ADGRA2: variants seen among roughly 807,000 people sequenced by gnomAD.
The protein encoded by ADGRA2 is adhesion G protein-coupled receptor A2, also known as G-protein coupled receptor 124.
Under a neutral mutation model 98.7 loss-of-function variants are expected in ADGRA2, and 61 were observed. The observed-to-expected ratio is 0.62, with a 90% CI of 0.50 to 0.76. The LOEUF is 0.76. Ranked by LOEUF, ADGRA2 falls within the 30% of genes least tolerant of loss-of-function variation. The pLI is 0.00. For missense variants in ADGRA2, 1,712 were observed against 1,860.0 expected (o/e 0.92, Z 1.46); for synonymous variants, 858 against 831.5 (o/e 1.03, Z -0.55).
chr8:37,816,067 T>G (rs1585977161), intron 2 of ADGRA2, among the ~76,000 whole-genome samples: 1 of 152,224 alleles, frequency 6.6e-6, no homozygotes, highest in Non-Finnish European at 1.5e-5. Context: ...GTGACTCTCC[T>G]GCTCAAAAAC....
At chr8:37,837,445 T>G (rs1805651675) in intron 13 of ADGRA2, among the ~76,000 whole-genome samples, 1 of 144,540 alleles carries the variant, frequency 6.9e-6, no homozygotes, top group African/African-American at 2.6e-5. Context: ...CCCGCCAGCC[T>G]GAGTCCTCAC....
At chr8:37,807,244 T>G (rs1201023660) in intron 1 of ADGRA2, among the ~76,000 whole-genome samples, 1 of 152,152 alleles carries the variant, frequency 6.6e-6, no homozygotes, top group Non-Finnish European at 1.5e-5. Flanking sequence ...CACCAACATT[T>G]ATGTCCCTTG....
At chr8:37,811,119 C>CAAAAAAAAAAAAA (rs1158782949) in intron 1 of ADGRA2, among the ~76,000 whole-genome samples, 1 of 68,626 alleles carries the variant, frequency 1.5e-5, no homozygotes, top group Non-Finnish European at 2.6e-5. Flanking sequence ...GTCTCAAAAA[C>CAAAAAAAAAAAAA]AAAAAAAAAA....
chr8:37,838,804 G>A, intron 14 of ADGRA2, 152 bp from the exon 15 acceptor site: 1 of 835,606 alleles, frequency 1.2e-6, no homozygotes, highest in Non-Finnish European at 1.8e-6. Flanking sequence ...GGCTTCCTAA[G>A]AGTGGACAGC....
intron 16 of ADGRA2, 27 bp downstream of exon 16, chr8:37,839,649 T>C: frequency 6.2e-7 from 1 of 1,611,120 alleles, no homozygotes; most frequent in Non-Finnish European, 8.5e-7. Context: ...GCTCTGGGGG[T>C]GGTGCTCCGA....
In ADGRA2 at chr8:37,835,336, C is replaced by T. The variant is rs1192172828; in HGVS notation, c.1771C>T (p.Gln591Ter). 1 of 1,613,348 alleles carries T rather than the reference C, an allele frequency of 6.2e-7. No individual in the cohort carries two copies. The highest frequency in any genetic ancestry group is 1.3e-5 in the African/African-American group (1 of 74,924). The change falls in exon 12 of 19, where the codon CAG becomes TAG. Residue 591 changes from glutamine to a stop codon, truncating the protein, a stop_gained. Transcript: ENST00000412232. LOFTEE classifies it high-confidence loss of function. ...PPEPEPPADQ[Q>*]LRFRCTTGRP... ...TGAGCCCGAGCCCCCAGCTGACCAGCAGCTCCGCTTCCGCTGCACCACCGG... is the reference window on the plus strand; with the variant it reads ...TGAGCCCGAGCCCCCAGCTGACCAGTAGCTCCGCTTCCGCTGCACCACCGG...
At chr8:37,816,478 AGCTACTCGGGGGCT>A (rs1804984230) in intron 2 of ADGRA2, among the ~76,000 whole-genome samples, 1 of 150,974 alleles carries the variant, frequency 6.6e-6, no homozygotes, top group Non-Finnish European at 1.5e-5. Context: ...CTGTAATCCC[AGCTACTCGGGGGCT>A]GAGGCACCAG....
rs376460938 is a variant in ADGRA2, at chr8:37,806,417, C to CCCCAACTG, written c.267-8478_267-8471dup. Among the ~76,000 whole-genome samples the CCCCAACTG allele has an allele frequency of 5.6e-4, 85 of 152,190 alleles. No homozygotes were observed. The East Asian group carries it at 8.1e-3, about 15-fold the overall frequency. On this transcript the variant is annotated intron_variant, in intron 1 of 18. Coordinates refer to ENST00000412232, the MANE Select transcript of ADGRA2 (RefSeq NM_032777.10). Reference sequence around the variant, plus strand: ...ATCCCCATCAAGGTATACTGATTACCCCCAACTGTTTCCTCTTCCTCTCTG... The same window carrying CCCCAACTG: ...ATCCCCATCAAGGTATACTGATTACCCCCAACTGCCCAACTGTTTCCTCTTCCTCTCTG...
At position 37,827,765 on chromosome 8, in the gene ADGRA2, G is replaced by A. The variant is rs1036127007; in HGVS notation, c.339-1123G>A. Among the ~76,000 whole-genome samples the A allele has an allele frequency of 2.0e-5, 3 of 152,334 alleles. No homozygotes were observed. The South Asian group carries it at 6.2e-4, about 32-fold the overall frequency. On this transcript the variant is annotated intron_variant, in intron 2 of 18. Transcript: ENST00000412232. ...GAGAGGAGCCAGGCAGAGTCCACCT[G>A]GGCCTCGGCCAGCCGCCTGACCTGT... is the stretch of plus-strand genomic sequence containing the variant.
At chr8:37,839,431 T>G in intron 15 of ADGRA2, 68 bp from the exon 16 acceptor site, 1 of 1,594,996 alleles carries the variant, frequency 6.3e-7, no homozygotes, top group South Asian at 1.1e-5. Context: ...GCTCTCCCAG[T>G]GGCCTTGAGA....
chr8:37,819,368 A>G (rs928460686), intron 2 of ADGRA2, among the ~76,000 whole-genome samples: 9 of 151,040 alleles, frequency 6.0e-5, no homozygotes, highest in Admixed American at 3.9e-4. Flanking sequence ...ATATGCAAAT[A>G]CTTACTATTA....
Position 37,817,431 on chromosome 8 carries a change from C to T in ADGRA2, c.338+2464C>T, listed in dbSNP as rs116448528. 7.4e-3 allele frequency among the ~76,000 whole-genome samples: 1,121 copies of T among 152,290 alleles called. 12 individuals are homozygous for T. The highest frequency in any genetic ancestry group is 0.026 in the African/African-American group (1,091 of 41,554). On this transcript the variant is annotated intron_variant, in intron 2 of 18. Transcript: ENST00000412232. ...CTGCTATCTAAAAGTCTCCTTGGTGCCAGGCATGGTGGCTCACGCCAGTAA... is the reference window on the plus strand; with the variant it reads ...CTGCTATCTAAAAGTCTCCTTGGTGTCAGGCATGGTGGCTCACGCCAGTAA...
intron 1 of ADGRA2, among the ~76,000 whole-genome samples, chr8:37,801,654 G>A (rs894039650): frequency 2.0e-5 from 3 of 152,236 alleles, no homozygotes; most frequent in African/African-American, 7.2e-5. Flanking sequence ...TAAATTCCCA[G>A]ACGGCCTGGG....
At position 37,828,956 on chromosome 8, in the gene ADGRA2, G is replaced by A. The variant is rs754974135; in HGVS notation, c.407G>A (p.Arg136His). 29 of 1,571,938 alleles carry A rather than the reference G, an allele frequency of 1.8e-5. 1 individual carries two copies. The highest frequency in any genetic ancestry group is 1.7e-4 in the Admixed American group (9 of 53,194). ...GAFLGLGELKRLDLSNNRIGC... is the reference protein window; with the variant it reads ...GAFLGLGELKHLDLSNNRIGC... ...TTCCTGGGCCTGGGGGAGCTGAAGCGTTTGTGAGTGGCACGCCCTCCCCTG... is the reference window on the plus strand; with the variant it reads ...TTCCTGGGCCTGGGGGAGCTGAAGCATTTGTGAGTGGCACGCCCTCCCCTG... The change falls in exon 3 of 19, where the codon CGT (arginine) becomes CAT (histidine). Residue 136 changes from arginine (R) to histidine (H), a missense_variant. By Grantham distance (29) the Arg-to-His change is conservative. Coordinates refer to ENST00000412232, the MANE Select transcript of ADGRA2 (RefSeq NM_032777.10).
Position 37,835,386 on chromosome 8 carries a change from C to T in ADGRA2, c.1821C>T (p.Ser607=). 6.2e-7 allele frequency: 1 copy of T among 1,610,328 alleles called. No individual in the cohort carries two copies. Among genetic ancestry groups the T allele is most frequent in the Non-Finnish European group, 8.5e-7 (1 of 1,179,426 alleles). The change falls in exon 12 of 19, where the codon TCC becomes TCT. Residue 607 remains serine, a synonymous_variant. Transcript: ENST00000412232. ...TTGRPNVSLS[S]FHIKNSVALA... ...GGAGGCCCAATGTTTCTCTGTCGTC[C>T]TTCCACATCAAGGTGGGCGCTGGGG...
At chr8:37,805,882 C>G (rs1025180732) in intron 1 of ADGRA2, among the ~76,000 whole-genome samples, 2 of 152,046 alleles carry the variant, frequency 1.3e-5, no homozygotes, top group South Asian at 2.1e-4. Context: ...CAAAAACAAA[C>G]AAACAAACAA....
In ADGRA2 at chr8:37,814,383, G is replaced by A. The variant is rs556998749; in HGVS notation, c.267-513G>A. Among the ~76,000 whole-genome samples the A allele has an allele frequency of 1.3e-5, 2 of 152,340 alleles. No homozygotes were observed. The highest frequency in any genetic ancestry group is 3.9e-4 in the East Asian group (2 of 5,180). On this transcript the variant is annotated intron_variant, in intron 1 of 18. Coordinates refer to ENST00000412232, the MANE Select transcript of ADGRA2 (RefSeq NM_032777.10). The surrounding 1 kb of genome is among the most constrained non-coding windows in gnomAD (Gnocchi z 4.3). ...TGCACTCAGGCCCTCTGAGATGGGG[G>A]CCTGTGAGGTCCTTCGCTCACAGGT...
Position 37,828,879 on chromosome 8 carries a change from C to A in ADGRA2, c.339-9C>A. 1 of 1,597,328 alleles carries A rather than the reference C, an allele frequency of 6.3e-7. No individual in the cohort carries two copies. Among genetic ancestry groups the A allele is most frequent in the South Asian group, 1.1e-5 (1 of 88,522 alleles). Reference sequence around the variant, plus strand: ...AGAGGTGTGAGGGCCTCTGCACTTGCCTCTGCAGGGACCTGAGGAACAACA... The same window carrying A: ...AGAGGTGTGAGGGCCTCTGCACTTGACTCTGCAGGGACCTGAGGAACAACA... On this transcript the variant is annotated splice_polypyrimidine_tract_variant and intron_variant, in intron 2 of 18. Coordinates refer to ENST00000412232, the MANE Select transcript of ADGRA2 (RefSeq NM_032777.10).
intron 2 of ADGRA2, among the ~76,000 whole-genome samples, chr8:37,827,951 T>C (rs1338134910): frequency 6.6e-6 from 1 of 152,030 alleles, no homozygotes; most frequent in Non-Finnish European, 1.5e-5. Context: ...CTGGGCAACA[T>C]AGTGGGACCC....
Sources: allele counts gnomAD v4.1 joint callset (sites outside exome capture counted in the v4.1 genomes callset), GRCh38; gene constraint gnomAD v4.1.1; non-coding constraint Gnocchi (gnomAD v3.1); transcripts MANE v1.5; gene names NCBI Gene and HGNC (gene_info 2026-07-23, HGNC 2026-07-21).